The following KCNQ5 variants were observed in gnomAD, a reference collection of about 807,000 sequenced individuals.
The protein encoded by KCNQ5 is potassium voltage-gated channel subfamily KQT member 5.
Under a neutral mutation model 98.2 loss-of-function variants are expected in KCNQ5, and 30 were observed. That is an observed-to-expected ratio of 0.31 (90% CI 0.23 to 0.41). KCNQ5 has a LOEUF of 0.41. Ranked by LOEUF, KCNQ5 falls within the 10% of genes least tolerant of loss-of-function variation. The pLI, the probability that KCNQ5 is intolerant of heterozygous loss-of-function variation, is 1.00. For synonymous variants in KCNQ5, 458 were observed against 449.4 expected (o/e 1.02, Z -0.24); for missense variants, 835 against 1,182.5 (o/e 0.71, Z 4.31).
intron 1 of KCNQ5, among the ~76,000 whole-genome samples, chr6:72,958,537 T>C (rs939926608): frequency 3.3e-5 from 5 of 152,202 alleles, no homozygotes; most frequent in Non-Finnish European, 5.9e-5. Flanking sequence ...TGTCTATCTG[T>C]AAGCTATTAA....
intron 2 of KCNQ5, among the ~76,000 whole-genome samples, chr6:73,023,990 T>A (rs373149691): frequency 6.6e-6 from 1 of 152,080 alleles, no homozygotes; most frequent in Non-Finnish European, 1.5e-5. Context: ...AAGGTTTAGG[T>A]TTTTTATCTA....
intron 1 of KCNQ5, among the ~76,000 whole-genome samples, chr6:72,717,381 A>C (rs543996192): frequency 6.6e-6 from 1 of 152,374 alleles, no homozygotes; most frequent in South Asian, 2.1e-4. Flanking sequence ...ATTATTATAC[A>C]ACATATACTT....
At chr6:73,122,584 T>C (rs952029803) in intron 8 of KCNQ5, among the ~76,000 whole-genome samples, 1 of 152,204 alleles carries the variant, frequency 6.6e-6, no homozygotes, top group Non-Finnish European at 1.5e-5. Flanking sequence ...AACAGTTATT[T>C]GTCCAGAATG....
chr6:72,624,187 G>C (rs2098916947), intron 1 of KCNQ5, among the ~76,000 whole-genome samples: 1 of 152,184 alleles, frequency 6.6e-6, no homozygotes, highest in Admixed American at 6.5e-5. Context: ...TAATGATAGA[G>C]AAATGCAACT....
rs761456542 is a variant in KCNQ5 at position 73,129,863 on chromosome 6, G to A, written c.1248-3558G>A. 1.9e-6 allele frequency: 3 copies of A among 1,609,114 alleles called. No individual in the cohort carries two copies. Among genetic ancestry groups the A allele is most frequent in the African/African-American group, 2.7e-5 (2 of 74,946 alleles). On this transcript the variant is annotated intron_variant, in intron 9 of 13. Coordinates refer to ENST00000370398, the MANE Select transcript of KCNQ5 (RefSeq NM_019842.4). ...ACGGAAGCAGAGGTACCCAGCATCC[G>A]GGCTATTGACATGAGATTTGAGAAT...
intron 1 of KCNQ5, among the ~76,000 whole-genome samples, chr6:72,942,678 A>T (rs768433221): frequency 2.5e-4 from 38 of 152,326 alleles, no homozygotes; most frequent in Non-Finnish European, 4.9e-4. Context: ...TCTTTAGAAT[A>T]GTTTTTCCTC....
At chr6:73,157,062 G>A (rs1177889084) in intron 10 of KCNQ5, among the ~76,000 whole-genome samples, 1 of 152,198 alleles carries the variant, frequency 6.6e-6, no homozygotes, top group Non-Finnish European at 1.5e-5. Flanking sequence ...GAACCACCGG[G>A]GGCCAGGACC....
Position 72,690,032 on chromosome 6 carries a change from G to A in KCNQ5, c.398+67445G>A, listed in dbSNP as rs539367513. On this transcript the variant is annotated intron_variant, in intron 1 of 13. Transcript: ENST00000370398. The stretch of plus-strand genomic sequence containing the variant: ...CTTACGTCTATAATTCCAGCACTTT[G>A]GGAGCTGAGGTGGGTGGATCACTTG... Among the ~76,000 whole-genome samples, 6 of 152,196 alleles carry A rather than the reference G, an allele frequency of 3.9e-5. No homozygotes were observed. The South Asian group carries it at 1.2e-3, about 32-fold the overall frequency.
intron 5 of KCNQ5, among the ~76,000 whole-genome samples, chr6:73,098,250 A>G (rs1158779733): frequency 6.6e-6 from 1 of 152,124 alleles, no homozygotes; most frequent in Non-Finnish European, 1.5e-5. Context: ...AGATAAAAGA[A>G]TAAAAAAGAA....
rs115866773 is a variant in KCNQ5, at chr6:72,746,433, G to A, written c.398+123846G>A. On this transcript the variant is annotated intron_variant, in intron 1 of 13. Coordinates refer to ENST00000370398, the MANE Select transcript of KCNQ5 (RefSeq NM_019842.4). ...TTTACTTTCTTTCAGAAAGCACTGG[G>A]AGGCAGTTCAGATGTACCAGGGTAG... Among the ~76,000 whole-genome samples the A allele has an allele frequency of 4.3e-3, 655 of 152,256 alleles. 5 individuals are homozygous for A. Among genetic ancestry groups the A allele is most frequent in the Middle Eastern group, 0.014 (4 of 294 alleles).
At chr6:72,774,414 C>T (rs1218780523) in intron 1 of KCNQ5, among the ~76,000 whole-genome samples, 1 of 151,972 alleles carries the variant, frequency 6.6e-6, no homozygotes, top group Non-Finnish European at 1.5e-5. Context: ...TTTTGAAGCT[C>T]AAGTAAGCAA....
At chr6:72,917,297 T>A (rs1006039128) in intron 1 of KCNQ5, among the ~76,000 whole-genome samples, 7 of 152,166 alleles carry the variant, frequency 4.6e-5, no homozygotes, top group Admixed American at 4.6e-4. Context: ...CCTTTTCTGT[T>A]GTAAATTTGA....
At chr6:72,768,560 A>G (rs1343811909) in intron 1 of KCNQ5, among the ~76,000 whole-genome samples, 1 of 152,046 alleles carries the variant, frequency 6.6e-6, no homozygotes, top group Non-Finnish European at 1.5e-5. Flanking sequence ...GAGGATAATT[A>G]TTGAAGTCTC....
chr6:73,158,220 G>A (rs1777450759), intron 10 of KCNQ5: 2 of 212,604 alleles, frequency 9.4e-6, no homozygotes, highest in South Asian at 6.8e-5. Context: ...CGTTGTGTGG[G>A]CATGGTTGCC....
intron 1 of KCNQ5, among the ~76,000 whole-genome samples, chr6:72,773,783 A>G (rs1582263765): frequency 6.6e-6 from 1 of 152,266 alleles, no homozygotes; most frequent in African/African-American, 2.4e-5. Flanking sequence ...AATCAATATC[A>G]AACTTTCTAA....
intron 5 of KCNQ5, among the ~76,000 whole-genome samples, chr6:73,101,554 A>G (rs761838701): frequency 9.9e-5 from 15 of 152,208 alleles, no homozygotes; most frequent in Admixed American, 4.6e-4. Context: ...AAATTCAGTC[A>G]AGTTGCAGAA....
chr6:72,910,936 G>T (rs760094577), intron 1 of KCNQ5, among the ~76,000 whole-genome samples: 1 of 152,120 alleles, frequency 6.6e-6, no homozygotes, highest in Non-Finnish European at 1.5e-5. Context: ...TGCAAGGGAG[G>T]ATAAGTGAAA....
intron 1 of KCNQ5, among the ~76,000 whole-genome samples, chr6:72,685,057 C>G (rs1767884595): frequency 6.6e-6 from 1 of 152,016 alleles, no homozygotes; most frequent in Non-Finnish European, 1.5e-5. Context: ...GCACACTGAA[C>G]AAGAAAGAGA....
intron 1 of KCNQ5, among the ~76,000 whole-genome samples, chr6:72,955,561 T>C (rs1053507501): frequency 6.6e-6 from 1 of 152,196 alleles, no homozygotes; most frequent in African/African-American, 2.4e-5. Context: ...AGATGTATAT[T>C]CTAGGTGATT....
Sources: allele counts gnomAD v4.1 joint callset (sites outside exome capture counted in the v4.1 genomes callset), GRCh38; gene constraint gnomAD v4.1.1; transcripts MANE v1.5; gene names NCBI Gene and HGNC (gene_info 2026-07-23, HGNC 2026-07-21).